Variants in ADGRL3 observed in about 807,000 individuals in gnomAD.
The protein encoded by ADGRL3 is adhesion G protein-coupled receptor L3.
ADGRL3 carries 62 observed loss-of-function variants against 153.5 expected under a neutral mutation model. That is an observed-to-expected ratio of 0.40 (90% CI 0.33 to 0.50). The LOEUF (loss-of-function observed/expected upper bound fraction) is 0.50. Among genes scored for constraint, ADGRL3 ranks in the 20% least tolerant of loss-of-function variants. The pLI is 0.47. For synonymous variants in ADGRL3, 710 were observed against 672.5 expected, an observed-to-expected ratio of 1.06 and a Z score of -0.86; for missense variants, 1,641 against 1,859.4, an observed-to-expected ratio of 0.88 and a Z score of 2.16.
At chr4:61,760,865 C>T (rs1024947092) in intron 8 of ADGRL3, among the ~76,000 whole-genome samples, 12 of 152,142 alleles carry the variant, frequency 7.9e-5, no homozygotes, top group African/African-American at 2.7e-4. Context: ...CACACAGACC[C>T]GGCTGTGTGG....
chr4:61,743,585 C>A (rs143048630), intron 8 of ADGRL3, among the ~76,000 whole-genome samples: 3 of 151,870 alleles, frequency 2.0e-5, no homozygotes, highest in South Asian at 2.1e-4. Flanking sequence ...TCAATATCTA[C>A]GATAATTTGG....
In ADGRL3 at chr4:62,076,096, G is replaced by A. The variant is rs1452881859; in HGVS notation, c.*5188G>A. 6.6e-6 allele frequency: 1 copy of A among 151,968 alleles called. No individual in the cohort carries two copies. Among genetic ancestry groups the A allele is most frequent in the Non-Finnish European group, 1.5e-5 (1 of 67,956 alleles). 9.4% of individuals were successfully genotyped at this position (151,968 alleles called of 1,614,324 possible). On this transcript the variant is annotated 3_prime_UTR_variant, in exon 27 of 27. Coordinates refer to ENST00000683033, the MANE Select transcript of ADGRL3 (RefSeq NM_001387552.1). The stretch of plus-strand genomic sequence containing the variant: ...CGATATTTAAAACTTTGTGATTTCT[G>A]CAATAAAACAGGTAGTTAATATAGT...
chr4:61,676,252 T>C (rs1312110033), intron 5 of ADGRL3, among the ~76,000 whole-genome samples: 1 of 151,988 alleles, frequency 6.6e-6, no homozygotes, highest in Non-Finnish European at 1.5e-5. Flanking sequence ...ATTCCTAAAG[T>C]GGTTTTAATA....
chr4:61,268,730 G>T (rs1578052419), intron 1 of ADGRL3, among the ~76,000 whole-genome samples: 1 of 151,480 alleles, frequency 6.6e-6, no homozygotes, highest in South Asian at 2.1e-4. Flanking sequence ...AAAATTAAAT[G>T]TTAAACCTGT....
chr4:61,611,107 T>TA (rs1356331436), intron 5 of ADGRL3, among the ~76,000 whole-genome samples: 1 of 152,184 alleles, frequency 6.6e-6, no homozygotes, highest in Non-Finnish European at 1.5e-5. Context: ...TGTTTGTCCA[T>TA]ATGCGTTTTT....
intron 8 of ADGRL3, among the ~76,000 whole-genome samples, chr4:61,783,770 A>G (rs1031016820): frequency 1.8e-4 from 27 of 152,078 alleles, no homozygotes; most frequent in Admixed American, 2.6e-4. Flanking sequence ...TATCAAGTTA[A>G]TAATAATAAA....
intron 1 of ADGRL3, among the ~76,000 whole-genome samples, chr4:61,305,346 T>C (rs1270034446): frequency 1.3e-5 from 2 of 152,104 alleles, no homozygotes; most frequent in East Asian, 3.9e-4. Flanking sequence ...TATAGAAAAT[T>C]TGTAGCATCT....
intron 24 of ADGRL3, among the ~76,000 whole-genome samples, chr4:62,041,834 C>T (rs920128060): frequency 1.4e-4 from 22 of 152,032 alleles, no homozygotes; most frequent in African/African-American, 5.1e-4. Flanking sequence ...CAATACTTCT[C>T]CTTTTTCTCC....
chr4:61,301,010 G>A (rs532415859), intron 1 of ADGRL3, among the ~76,000 whole-genome samples: 4 of 152,006 alleles, frequency 2.6e-5, no homozygotes, highest in African/African-American at 4.8e-5. Context: ...TGATCCACCC[G>A]CCTCGGGCTC....
intron 8 of ADGRL3, among the ~76,000 whole-genome samples, chr4:61,788,056 G>A (rs1187198719): frequency 1.3e-5 from 2 of 152,146 alleles, no homozygotes; most frequent in Admixed American, 1.3e-4. Context: ...ATTTGGGCTG[G>A]TTCCATATTT....
intron 2 of ADGRL3, among the ~76,000 whole-genome samples, chr4:61,406,070 C>T (rs1325775468): frequency 1.3e-5 from 2 of 151,896 alleles, no homozygotes; most frequent in African/African-American, 2.4e-5. Flanking sequence ...AAATAGTTAA[C>T]ACTTATTGAG....
intron 1 of ADGRL3, among the ~76,000 whole-genome samples, chr4:61,329,539 G>T (rs1318803082): frequency 6.6e-6 from 1 of 151,984 alleles, no homozygotes; most frequent in Non-Finnish European, 1.5e-5. Context: ...AAAATATAAA[G>T]AGAAGAATAA....
chr4:61,802,304 A>G (rs1472151737), intron 8 of ADGRL3, among the ~76,000 whole-genome samples: 1 of 152,184 alleles, frequency 6.6e-6, no homozygotes, highest in Non-Finnish European at 1.5e-5. Context: ...AAATTCGCCA[A>G]AACTAAAATA....
intron 9 of ADGRL3, among the ~76,000 whole-genome samples, chr4:61,816,378 G>T (rs1041100864): frequency 1.3e-5 from 2 of 152,076 alleles, no homozygotes; most frequent in Non-Finnish European, 2.9e-5. Context: ...AAATTGCCCT[G>T]GTGTCTCTAG....
At chr4:61,994,104 A>G (rs750458905) in intron 19 of ADGRL3, among the ~76,000 whole-genome samples, 13 of 152,196 alleles carry the variant, frequency 8.5e-5, no homozygotes, top group Admixed American at 3.3e-4. Flanking sequence ...ATTAGTTTAC[A>G]TGTATTTAAC....
At chr4:61,416,559 T>C (rs1261608958) in intron 2 of ADGRL3, among the ~76,000 whole-genome samples, 2 of 152,140 alleles carry the variant, frequency 1.3e-5, no homozygotes, top group African/African-American at 4.8e-5. Context: ...CAAGTAAAAG[T>C]TGAGAATAAG....
At chr4:61,812,925 CT>C (rs1442308332) in intron 8 of ADGRL3, among the ~76,000 whole-genome samples, 2 of 152,012 alleles carry the variant, frequency 1.3e-5, no homozygotes, top group Non-Finnish European at 2.9e-5. Context: ...AGTAGGAATA[CT>C]TTTGTGTTCA....
intron 11 of ADGRL3, among the ~76,000 whole-genome samples, chr4:61,903,964 TC>T (rs2098680905): frequency 6.6e-6 from 1 of 151,714 alleles, no homozygotes. Flanking sequence ...ACATAGGGCT[TC>T]CCTATGTTGC....
chr4:61,368,927 C>T (rs917242720), intron 1 of ADGRL3, among the ~76,000 whole-genome samples: 10 of 152,206 alleles, frequency 6.6e-5, no homozygotes, highest in Non-Finnish European at 1.3e-4. Context: ...TGTAGTTGTC[C>T]TTGAAGAGGT....
Sources: allele counts gnomAD v4.1 joint callset (sites outside exome capture counted in the v4.1 genomes callset), GRCh38; gene constraint gnomAD v4.1.1; transcripts MANE v1.5; gene names NCBI Gene and HGNC (gene_info 2026-07-23, HGNC 2026-07-21).